Variants in RYR2 observed in about 807,000 individuals in gnomAD.
RYR2 encodes ryanodine receptor 2.
Under a neutral mutation model 601.1 loss-of-function variants are expected in RYR2, and 227 were observed. That is an observed-to-expected ratio of 0.38 (90% CI 0.34 to 0.42). RYR2 has a LOEUF of 0.42. Among genes scored for constraint, RYR2 ranks in the 10% least tolerant of loss-of-function variants. The pLI, the probability that RYR2 is intolerant of heterozygous loss-of-function variation, is 1.00. For missense variants in RYR2, 4,646 were observed against 6,156.5 expected (o/e 0.75, Z 8.21); for synonymous variants, 2,223 against 2,175.1 (o/e 1.02, Z -0.61).
intron 47 of RYR2, among the ~76,000 whole-genome samples, chr1:237,641,628 GCCT>G (rs1377413658): frequency 6.6e-6 from 1 of 151,250 alleles, no homozygotes; most frequent in Non-Finnish European, 1.5e-5. Flanking sequence ...TGCAATCTAT[GCCT>G]CCCAGGTTCA....
intron 83 of RYR2, 25 bp from the exon 84 acceptor site, chr1:237,760,929 TG>T (rs1693380157): frequency 7.0e-7 from 1 of 1,438,636 alleles, no homozygotes; most frequent in African/African-American, 1.4e-5. Context: ...GTCCTCTAAA[TG>T]TTTTTTTTTC....
intron 55 of RYR2, among the ~76,000 whole-genome samples, chr1:237,660,557 G>A (rs1277114107): frequency 1.3e-5 from 2 of 151,990 alleles, no homozygotes; most frequent in Non-Finnish European, 2.9e-5. Flanking sequence ...CCTAGGAACC[G>A]GGTTGCTAAA....
chr1:237,508,860 A>G (rs1389363972), intron 23 of RYR2, among the ~76,000 whole-genome samples: 2 of 144,300 alleles, frequency 1.4e-5, no homozygotes, highest in Non-Finnish European at 3.0e-5. Flanking sequence ...CTCCTGCCTC[A>G]GCCTCCCGAG....
chr1:237,378,312 C>T (rs955775308), intron 8 of RYR2, among the ~76,000 whole-genome samples: 1 of 152,114 alleles, frequency 6.6e-6, no homozygotes, highest in African/African-American at 2.4e-5. Flanking sequence ...GCATTTTGAA[C>T]TTTTGTGGTA....
chr1:237,364,442 T>C (rs981412543), intron 5 of RYR2, 70 bp downstream of exon 5: 2 of 795,468 alleles, frequency 2.5e-6, no homozygotes, highest in Non-Finnish European at 3.9e-6. Context: ...ATTATATATG[T>C]ATGTATCTGC....
intron 1 of RYR2, among the ~76,000 whole-genome samples, chr1:237,044,853 T>C (rs141141533): frequency 6.6e-6 from 1 of 150,976 alleles, no homozygotes; most frequent in Non-Finnish European, 1.5e-5. Context: ...ATGGGGAGAC[T>C]GTAGTATAGT....
At chr1:237,309,602 C>A (rs527654494) in intron 2 of RYR2, among the ~76,000 whole-genome samples, 1 of 152,370 alleles carries the variant, frequency 6.6e-6, no homozygotes, top group East Asian at 1.9e-4. Context: ...GCAGGCGGAG[C>A]TGCCACCAGT....
At chr1:237,560,994 G>T (rs181604802) in intron 27 of RYR2, among the ~76,000 whole-genome samples, 1 of 152,312 alleles carries the variant, frequency 6.6e-6, no homozygotes, top group Non-Finnish European at 1.5e-5. Flanking sequence ...AAATTGGACA[G>T]TAATTGGGGT....
chr1:237,145,420 T>A (rs1407642644), intron 1 of RYR2, among the ~76,000 whole-genome samples: 1 of 152,218 alleles, frequency 6.6e-6, no homozygotes, highest in East Asian at 1.9e-4. Flanking sequence ...ACTGGGTTGT[T>A]CCTGGTTTGT....
At chr1:237,300,461 G>T (rs1377098631) in intron 2 of RYR2, among the ~76,000 whole-genome samples, 1 of 152,142 alleles carries the variant, frequency 6.6e-6, no homozygotes, top group Non-Finnish European at 1.5e-5. Flanking sequence ...GCAGGTATAC[G>T]TAAATTTGGT....
Position 237,723,146 on chromosome 1 carries a change from A to C in RYR2, c.10573A>C (p.Arg3525=). The C allele has an allele frequency of 1.2e-6, 2 of 1,609,520 alleles. No homozygotes were observed. Among genetic ancestry groups the C allele is most frequent in the Non-Finnish European group, 1.7e-6 (2 of 1,178,536 alleles). ...TCTGCAGTTGGAGGATCCTGCTATT[A>C]GATGGCAAATGGCTCTTTACAAAGA... ...LQGKLEDPAI[R]WQMALYKDLP... Residue 3525 remains arginine, a synonymous_variant, in exon 74 of 105, where the codon AGA becomes CGA. Coordinates refer to ENST00000366574, the MANE Select transcript of RYR2 (RefSeq NM_001035.3).
chr1:237,044,790 T>G (rs1384143542), intron 1 of RYR2, among the ~76,000 whole-genome samples: 1 of 151,838 alleles, frequency 6.6e-6, no homozygotes, highest in Non-Finnish European at 1.5e-5. Flanking sequence ...CCCCCCTTTT[T>G]TTTCTCTTAA....
chr1:237,141,436 G>T (rs1433997460), intron 1 of RYR2, among the ~76,000 whole-genome samples: 1 of 151,520 alleles, frequency 6.6e-6, no homozygotes, highest in South Asian at 2.1e-4. Context: ...TCCTAATGAG[G>T]CGTCCCCCAA....
intron 1 of RYR2, among the ~76,000 whole-genome samples, chr1:237,045,752 C>T (rs189275942): frequency 4.7e-4 from 70 of 147,650 alleles, no homozygotes; most frequent in African/African-American, 1.5e-3. Flanking sequence ...TTTAAAAACA[C>T]GCATCTTTTT....
At chr1:237,558,388 C>G (rs1452034524) in intron 27 of RYR2, among the ~76,000 whole-genome samples, 1 of 152,152 alleles carries the variant, frequency 6.6e-6, no homozygotes, top group Non-Finnish European at 1.5e-5. Context: ...GTATAGAATT[C>G]TCAGCTGACA....
chr1:237,290,388 A>G (rs972188140), intron 2 of RYR2, among the ~76,000 whole-genome samples: 1 of 152,226 alleles, frequency 6.6e-6, no homozygotes, highest in African/African-American at 2.4e-5. Context: ...GAGACTTGCA[A>G]ATGTTTTTAT....
intron 70 of RYR2, among the ~76,000 whole-genome samples, chr1:237,711,077 G>A (rs534657564): frequency 9.9e-5 from 15 of 152,232 alleles, no homozygotes; most frequent in African/African-American, 2.9e-4. Flanking sequence ...CCGAAGAAGC[G>A]TCTTTAGATT....
At chr1:237,244,305 G>A (rs1038280452) in intron 1 of RYR2, among the ~76,000 whole-genome samples, 8 of 152,096 alleles carry the variant, frequency 5.3e-5, no homozygotes, top group African/African-American at 1.4e-4. Flanking sequence ...ATTTTGATAC[G>A]GGAGTTCAGA....
At chr1:237,063,372 AT>A (rs1663119897) in intron 1 of RYR2, among the ~76,000 whole-genome samples, 1 of 152,000 alleles carries the variant, frequency 6.6e-6, no homozygotes, top group Non-Finnish European at 1.5e-5. Flanking sequence ...TTAGATTAAT[AT>A]TTATTAACAA....
Sources: gnomAD v4.1 joint callset for allele counts (sites outside exome capture counted in the v4.1 genomes callset) on GRCh38, gnomAD v4.1.1 for gene constraint, MANE v1.5 for transcripts, NCBI Gene and HGNC (gene_info 2026-07-23, HGNC 2026-07-21) for gene names.